Variants in GRIK1 observed in about 807,000 individuals in gnomAD.
GRIK1 encodes the protein glutamate ionotropic receptor kainate type subunit 1.
GRIK1 carries 69 observed loss-of-function variants against 105.7 expected under a neutral mutation model. The ratio of observed to expected loss-of-function variants is 0.65; its 90% CI spans 0.54 to 0.80. The LOEUF is 0.80. Ranked by LOEUF, GRIK1 falls within the 30% of genes least tolerant of loss-of-function variation. The probability of loss-of-function intolerance (pLI) is 0.00; values close to 1 mark genes in which losing one functional copy is unlikely to be tolerated. For synonymous variants in GRIK1, 438 were observed against 431.3 expected, an observed-to-expected ratio of 1.02 and a Z score of -0.19; for missense variants, 1,109 against 1,167.3, an observed-to-expected ratio of 0.95 and a Z score of 0.73.
At chr21:29,577,913 G>A (rs1380771577) in intron 13 of GRIK1, among the ~76,000 whole-genome samples, 1 of 152,170 alleles carries the variant, frequency 6.6e-6, no homozygotes, top group East Asian at 1.9e-4. Flanking sequence ...CATTTTAGAT[G>A]TCATTCAGAT....
intron 1 of GRIK1, among the ~76,000 whole-genome samples, chr21:29,878,828 G>A (rs534397409): frequency 2.0e-4 from 31 of 152,048 alleles, no homozygotes; most frequent in African/African-American, 4.3e-4. Context: ...CCCAGCCTCC[G>A]AATCTATGAG....
chr21:29,911,879 C>A (rs1250646915), intron 1 of GRIK1, among the ~76,000 whole-genome samples: 1 of 152,054 alleles, frequency 6.6e-6, no homozygotes, highest in Admixed American at 6.6e-5. Flanking sequence ...TATCAGCTAC[C>A]TGGTCTATGG....
intron 16 of GRIK1, among the ~76,000 whole-genome samples, chr21:29,540,275 C>T (rs1446753651): frequency 1.3e-5 from 2 of 152,156 alleles, no homozygotes; most frequent in African/African-American, 4.8e-5. Flanking sequence ...TGACTAACTC[C>T]AAGTATTTAT....
chr21:29,736,485 T>A (rs2064794834), intron 1 of GRIK1, among the ~76,000 whole-genome samples: 1 of 152,092 alleles, frequency 6.6e-6, no homozygotes, highest in Non-Finnish European at 1.5e-5. Context: ...CTCCTCAGCC[T>A]CCCAAAGTGC....
At chr21:29,695,474 ATC>A (rs749031049) in intron 1 of GRIK1, among the ~76,000 whole-genome samples, 7,750 of 142,716 alleles carry the variant, frequency 0.054, 261 homozygotes, top group East Asian at 0.17. Context: ...CTATCTATCT[ATC>A]TATATATATA....
intron 7 of GRIK1, among the ~76,000 whole-genome samples, chr21:29,614,090 G>C (rs1555849218): frequency 6.6e-6 from 1 of 151,986 alleles, no homozygotes; most frequent in Non-Finnish European, 1.5e-5. Flanking sequence ...CTCAAACCAA[G>C]TTTTTTTCCC....
At chr21:29,801,253 AATTG>A (rs2066702140) in intron 1 of GRIK1, among the ~76,000 whole-genome samples, 1 of 151,688 alleles carries the variant, frequency 6.6e-6, no homozygotes, top group Admixed American at 6.6e-5. Flanking sequence ...GTACAAAAGT[AATTG>A]CGGTTTTTAC....
At chr21:29,681,013 A>G (rs59060061) in intron 3 of GRIK1, among the ~76,000 whole-genome samples, 227 of 152,288 alleles carry the variant, frequency 1.5e-3, no homozygotes, top group African/African-American at 5.2e-3. Flanking sequence ...AGTGCCTGTA[A>G]TCCCAGCTAC....
intron 12 of GRIK1, among the ~76,000 whole-genome samples, chr21:29,583,132 G>A (rs2091058313): frequency 6.6e-6 from 1 of 152,146 alleles, no homozygotes; most frequent in South Asian, 2.1e-4. Context: ...ACTCATTACT[G>A]CAGCTTCTCC....
At position 29,781,710 on chromosome 21, in the gene GRIK1, C is replaced by CCGGATTG. The variant is rs71335095; in HGVS notation, c.119-87648_119-87647insCAATCCG. Among the ~76,000 whole-genome samples, 2 of 78,296 alleles carry CCGGATTG rather than the reference C, an allele frequency of 2.6e-5. 1 individual carries two copies. The highest frequency in any genetic ancestry group is 6.1e-5 in the Non-Finnish European group (2 of 32,600). The allele number at this position is 78,296 out of a possible 152,430, so 51.4% of individuals were successfully genotyped here. On this transcript the variant is annotated intron_variant, in intron 1 of 17. Coordinates refer to ENST00000327783, the MANE Select transcript of GRIK1 (RefSeq NM_001330994.2). ...ACGGAGTCTCGCTCTGTCGCCCAGG[C>CCGGATTG]CGGACTGCGGACTGCAGTGGCGCAA...
intron 7 of GRIK1, among the ~76,000 whole-genome samples, chr21:29,616,193 A>T (rs1395500938): frequency 6.6e-6 from 1 of 152,184 alleles, no homozygotes. Flanking sequence ...TCTAACATGG[A>T]ACAAAGTCTC....
chr21:29,620,814 T>TAG (rs1568897734), intron 7 of GRIK1, among the ~76,000 whole-genome samples: 1 of 106,452 alleles, frequency 9.4e-6, no homozygotes, highest in African/African-American at 5.8e-5. Flanking sequence ...TAGATATATA[T>TAG]ATATAGTAAT....
At chr21:29,604,166 A>G (rs1295841038) in intron 7 of GRIK1, among the ~76,000 whole-genome samples, 2 of 152,048 alleles carry the variant, frequency 1.3e-5, no homozygotes, top group East Asian at 3.9e-4. Flanking sequence ...TTATTCTTGA[A>G]CTTAGTGTTC....
At chr21:29,553,547 TA>T in intron 16 of GRIK1, 3 of 1,484,074 alleles carry the variant, frequency 2.0e-6, no homozygotes, top group South Asian at 1.3e-5. Flanking sequence ...TTTTTTTTTT[TA>T]AACTGATTAC....
Position 29,574,062 on chromosome 21 carries a change from A to T in GRIK1, c.2130+2902T>A, listed in dbSNP as rs1489284584. ...CGAAATTATTTAAAATACTGTATAAACTTACCTTTAGGCTATATGCATAAG... is the reference window on the plus strand; with the variant it reads ...CGAAATTATTTAAAATACTGTATAATCTTACCTTTAGGCTATATGCATAAG... On this transcript the variant is annotated intron_variant, in intron 14 of 17. Transcript: ENST00000327783. Among the ~76,000 whole-genome samples the T allele has an allele frequency of 2.6e-5, 4 of 151,972 alleles. No individual in the cohort carries two copies. The South Asian group carries it at 8.3e-4, about 32-fold the overall frequency.
At chr21:29,662,576 TG>T (rs1242848681) in intron 4 of GRIK1, among the ~76,000 whole-genome samples, 2 of 152,318 alleles carry the variant, frequency 1.3e-5, no homozygotes, top group East Asian at 3.9e-4. Flanking sequence ...TTGATAATGA[TG>T]TTAATGAAAA....
chr21:29,898,842 C>T (rs939552358), intron 1 of GRIK1, among the ~76,000 whole-genome samples: 1 of 151,938 alleles, frequency 6.6e-6, no homozygotes, highest in African/African-American at 2.4e-5. Context: ...TTTCAATTAA[C>T]ATAATAGTTG....
chr21:29,937,153 A>T (rs1347444416), intron 1 of GRIK1, among the ~76,000 whole-genome samples: 2 of 152,156 alleles, frequency 1.3e-5, no homozygotes, highest in Non-Finnish European at 2.9e-5. Context: ...AATTTTTTGT[A>T]TTCAATATTG....
At chr21:29,748,312 G>A (rs1219483919) in intron 1 of GRIK1, 1 of 152,204 alleles carries the variant, frequency 6.6e-6, no homozygotes, top group Non-Finnish European at 1.5e-5. Flanking sequence ...TAGGATCACA[G>A]GGGTGAAGTG....
Sources: allele counts gnomAD v4.1 joint callset (sites outside exome capture counted in the v4.1 genomes callset), GRCh38; gene constraint gnomAD v4.1.1; transcripts MANE v1.5; gene names NCBI Gene and HGNC (gene_info 2026-07-23, HGNC 2026-07-21).